TYW1B: variants seen among roughly 807,000 people sequenced by gnomAD.
TYW1B encodes S-adenosyl-L-methionine-dependent tRNA 4-demethylwyosine synthase TYW1B.
In TYW1B, 73 loss-of-function variants were observed where a neutral mutation model predicts 86.9. That is an observed-to-expected ratio of 0.84 (90% CI 0.70 to 1.02). The LOEUF (loss-of-function observed/expected upper bound fraction) is 1.02. Ranked by LOEUF, TYW1B falls within the 50% of genes least tolerant of loss-of-function variation. The pLI, the probability that TYW1B is intolerant of heterozygous loss-of-function variation, is 0.00. For missense variants in TYW1B, 637 were observed against 827.4 expected (o/e 0.77, Z 2.82); for synonymous variants, 248 against 292.8 (o/e 0.85, Z 1.56).
intron 11 of TYW1B, among the ~76,000 whole-genome samples, chr7:72,632,427 TATATATATACGTATATATATAA>T: frequency 3.3e-5 from 3 of 89,818 alleles, no homozygotes; most frequent in African/African-American, 1.3e-4. Context: ...ATATATAAAA[TATATATATACGTATATATATAA>T]AATATATATA....
chr7:72,603,245 CGGATGGAT>C (rs201837149), intron 13 of TYW1B, among the ~76,000 whole-genome samples: 6 of 128,480 alleles, frequency 4.7e-5, no homozygotes, highest in Non-Finnish European at 8.3e-5. Flanking sequence ...GATGGACGGA[CGGATGGAT>C]GGATGGATGG....
At chr7:72,763,287 T>C (rs71553280) in intron 7 of TYW1B, among the ~76,000 whole-genome samples, 51 of 122,992 alleles carry the variant, frequency 4.1e-4, no homozygotes, top group African/African-American at 1.3e-3. Context: ...CTTTTCTTTT[T>C]TTTTTTTTTT....
chr7:72,663,083 T>C (rs1449107690), intron 11 of TYW1B, among the ~76,000 whole-genome samples: 1 of 150,936 alleles, frequency 6.6e-6, no homozygotes, highest in African/African-American at 2.4e-5. Flanking sequence ...TTTAAACAAG[T>C]GGTGAGATGA....
intron 7 of TYW1B, among the ~76,000 whole-genome samples, chr7:72,763,878 T>C (rs1269696586): frequency 2.6e-5 from 4 of 152,226 alleles, no homozygotes; most frequent in African/African-American, 4.8e-5. Flanking sequence ...TTATATGGAA[T>C]GCATTGACAA....
At chr7:72,658,118 T>C (rs1257633048) in intron 11 of TYW1B, among the ~76,000 whole-genome samples, 3 of 151,832 alleles carry the variant, frequency 2.0e-5, no homozygotes, top group African/African-American at 7.3e-5. Flanking sequence ...ATTAGCCAGG[T>C]GTGGTGGCGG....
At chr7:72,618,834 G>A (rs782356010) in intron 12 of TYW1B, among the ~76,000 whole-genome samples, 1 of 152,160 alleles carries the variant, frequency 6.6e-6, no homozygotes, top group African/African-American at 2.4e-5. Context: ...GTGTTTGCAG[G>A]ATGGCAGTGT....
At chr7:72,798,787 C>T (rs1788353897) in intron 6 of TYW1B, among the ~76,000 whole-genome samples, 1 of 152,160 alleles carries the variant, frequency 6.6e-6, no homozygotes. Flanking sequence ...AGTATGTCAT[C>T]CAGCTTTGGA....
intron 6 of TYW1B, among the ~76,000 whole-genome samples, chr7:72,792,393 A>C (rs1221978006): frequency 1.3e-5 from 2 of 152,296 alleles, no homozygotes; most frequent in East Asian, 3.9e-4. Context: ...AATGAACAAT[A>C]AACACAAAAT....
At chr7:72,744,661 C>T in intron 7 of TYW1B, 60 bp from the exon 8 acceptor site, 3 of 1,524,772 alleles carry the variant, frequency 2.0e-6, no homozygotes, top group Non-Finnish European at 2.7e-6. Flanking sequence ...AAACAAACCA[C>T]CAAGGCATCA....
chr7:72,753,959 C>T (rs1050466202), intron 7 of TYW1B, among the ~76,000 whole-genome samples: 2 of 152,068 alleles, frequency 1.3e-5, no homozygotes, highest in Non-Finnish European at 2.9e-5. Flanking sequence ...ATATTTGCTT[C>T]GTTGCAGTGG....
rs1787248939 is a variant in TYW1B, at chr7:72,738,896, C to A, written c.1082+5588G>T. Reference sequence around the variant, plus strand: ...GACCAGCTTGAGAAACATAGCGAGACCCTGTCTCTATCAAAAAAAAAAAAA... The same window carrying A: ...GACCAGCTTGAGAAACATAGCGAGAACCTGTCTCTATCAAAAAAAAAAAAA... On this transcript the variant is annotated intron_variant, in intron 8 of 13. Transcript: ENST00000620995. 2.6e-5 allele frequency among the ~76,000 whole-genome samples: 4 copies of A among 151,958 alleles called. No homozygotes were observed. In the South Asian group the frequency reaches 8.3e-4, roughly 32 times the overall value.
At chr7:72,774,515 G>C (rs1330566099) in intron 7 of TYW1B, among the ~76,000 whole-genome samples, 1 of 151,964 alleles carries the variant, frequency 6.6e-6, no homozygotes, top group Non-Finnish European at 1.5e-5. Context: ...GAGGTCAGGA[G>C]ATAGAGACCA....
chr7:72,672,473 A>AACACACACACACACAC (rs57744814), intron 11 of TYW1B, among the ~76,000 whole-genome samples: 1,918 of 140,826 alleles, frequency 0.014, 29 homozygotes, highest in East Asian at 0.033. Flanking sequence ...TACACACACA[A>AACACACACACACACAC]ACACACACAC....
intron 6 of TYW1B, among the ~76,000 whole-genome samples, chr7:72,779,455 G>T (rs1295501056): frequency 6.6e-6 from 1 of 152,278 alleles, no homozygotes; most frequent in African/African-American, 2.4e-5. Flanking sequence ...GTTGGCTCAC[G>T]CCTGTAATCC....
At chr7:72,809,384 A>T (rs1309098607) in intron 4 of TYW1B, among the ~76,000 whole-genome samples, 1 of 152,150 alleles carries the variant, frequency 6.6e-6, no homozygotes, top group Non-Finnish European at 1.5e-5. Context: ...GGCTGGACAC[A>T]TTCATGCCTG....
chr7:72,774,667 G>A (rs1399678177), intron 7 of TYW1B, among the ~76,000 whole-genome samples: 11 of 152,098 alleles, frequency 7.2e-5, no homozygotes, highest in Admixed American at 2.0e-4. Context: ...GGAGGCAGAG[G>A]TTGCAGTGAG....
At chr7:72,706,360 G>A (rs1199131623) in intron 10 of TYW1B, among the ~76,000 whole-genome samples, 1 of 150,610 alleles carries the variant, frequency 6.6e-6, no homozygotes, top group Non-Finnish European at 1.5e-5. Flanking sequence ...CCGGGAAGTG[G>A]AGGTTGTGGT....
intron 7 of TYW1B, among the ~76,000 whole-genome samples, chr7:72,771,028 T>C (rs1787858334): frequency 6.9e-6 from 1 of 144,606 alleles, no homozygotes; most frequent in South Asian, 2.2e-4. Flanking sequence ...AGTGGCACGA[T>C]CTGGGCTCAC....
At chr7:72,759,569 A>C (rs1433458523) in intron 7 of TYW1B, among the ~76,000 whole-genome samples, 21 of 152,192 alleles carry the variant, frequency 1.4e-4, no homozygotes, top group Admixed American at 1.4e-3. Context: ...TCAGAGCACT[A>C]AGGATCATTA....
Sources: allele counts gnomAD v4.1 joint callset (sites outside exome capture counted in the v4.1 genomes callset), GRCh38; gene constraint gnomAD v4.1.1; transcripts MANE v1.5; gene names NCBI Gene and HGNC (gene_info 2026-07-23, HGNC 2026-07-21).